DGKH: variants seen among roughly 807,000 people sequenced by gnomAD.
DGKH encodes DAG kinase eta.
DGKH carries 90 observed loss-of-function variants against 159.3 expected under a neutral mutation model. That is an observed-to-expected ratio of 0.57 (90% CI 0.48 to 0.67). The LOEUF is 0.67. Among genes scored for constraint, DGKH ranks in the 30% least tolerant of loss-of-function variants. DGKH has a pLI of 0.00. For missense variants in DGKH, 1,181 were observed against 1,506.1 expected (o/e 0.78, Z 3.57); for synonymous variants, 536 against 553.8 (o/e 0.97, Z 0.45).
chr13:42,055,090 G>A (rs924737352), intron 1 of DGKH, among the ~76,000 whole-genome samples: 1 of 152,016 alleles, frequency 6.6e-6, no homozygotes, highest in African/African-American at 2.4e-5. Flanking sequence ...TTAGCTCGTC[G>A]ACTATATAAA....
intron 24 of DGKH, among the ~76,000 whole-genome samples, chr13:42,211,137 GA>G (rs1957647836): frequency 6.6e-6 from 1 of 152,068 alleles, no homozygotes; most frequent in Non-Finnish European, 1.5e-5. Context: ...TAGACAAAAA[GA>G]AAAGAGATAA....
At chr13:42,082,278 A>G (rs1464851710) in intron 1 of DGKH, among the ~76,000 whole-genome samples, 1 of 152,098 alleles carries the variant, frequency 6.6e-6, no homozygotes, top group African/African-American at 2.4e-5. Flanking sequence ...TTATTAAAGA[A>G]GGGAAAACAT....
chr13:42,219,794 G>A lies in DGKH; in HGVS notation c.3442G>A (p.Val1148Ile), dbSNP rs1214552000. ...VQKQKTSSQP[V>I]QKWGTEEVAA... ...GAAGCAGAAGACAAGTTCACAGCCT[G>A]GTAGGTGGTCCATATGGAAGGGGAA... Residue 1148 changes from valine (V) to isoleucine (I), a missense_variant and splice_region_variant, in exon 28 of 30, where the codon GTT becomes ATT. Physicochemically the swap from Val to Ile is conservative, Grantham distance 29. Transcript: ENST00000337343. The A allele has an allele frequency of 6.2e-7, 1 of 1,612,524 alleles. No homozygotes were observed. The highest frequency in any genetic ancestry group is 1.1e-5 in the South Asian group (1 of 90,938).
At chr13:42,243,132 G>A (rs772304298), downstream of DGKH, among the ~76,000 whole-genome samples, 5 of 152,090 alleles carry the variant, frequency 3.3e-5, no homozygotes, top group Non-Finnish European at 5.9e-5. Context: ...ACAAGGACCC[G>A]TAATACAGAT....
Position 42,240,778 on chromosome 13 carries a change from A to G in DGKH, c.*11590A>G, listed in dbSNP as rs1327430376. ...CTTTCTACCATATCACCAAATACTC[A>G]TAAAGGCTAACACAGAAAGCTTTTC... On this transcript the variant is annotated 3_prime_UTR_variant, in exon 30 of 30. Coordinates refer to ENST00000337343, the MANE Select transcript of DGKH (RefSeq NM_178009.5). 2.0e-5 allele frequency: 3 copies of G among 152,186 alleles called. No homozygotes were observed. Among genetic ancestry groups the G allele is most frequent in the East Asian group, 1.9e-4 (1 of 5,200 alleles). The allele number at this position is 152,186 out of a possible 1,614,324, so 9.4% of individuals were successfully genotyped here. A position where few individuals can be genotyped will look rare whatever the true frequency, so the allele number is the denominator to read the frequency against.
At chr13:42,182,610 CA>C (rs1209333305) in intron 13 of DGKH, among the ~76,000 whole-genome samples, 1 of 151,408 alleles carries the variant, frequency 6.6e-6, no homozygotes, top group East Asian at 1.9e-4. Context: ...GGAATGATGA[CA>C]AAAAAAAGTC....
At chr13:42,213,521 T>A (rs1209279318) in intron 24 of DGKH, among the ~76,000 whole-genome samples, 2 of 152,200 alleles carry the variant, frequency 1.3e-5, no homozygotes. Flanking sequence ...TCCATCTCTG[T>A]TCTTCTGAAA....
chr13:42,163,495 C>G (rs935605621), intron 7 of DGKH, among the ~76,000 whole-genome samples: 10 of 152,034 alleles, frequency 6.6e-5, no homozygotes, highest in Admixed American at 5.9e-4. Context: ...AAAAGTGTTC[C>G]TATTTCTCCA....
At chr13:42,191,506 A>G (rs1378163826) in intron 16 of DGKH, among the ~76,000 whole-genome samples, 7 of 152,272 alleles carry the variant, frequency 4.6e-5, no homozygotes, top group African/African-American at 1.7e-4. Flanking sequence ...AAAAGTTGAA[A>G]TTATAAAAAA....
chr13:42,101,241 T>G (rs1333630948), intron 1 of DGKH, among the ~76,000 whole-genome samples: 1 of 152,252 alleles, frequency 6.6e-6, no homozygotes, highest in African/African-American at 2.4e-5. Flanking sequence ...ACTTACATTC[T>G]GCGTATCCTT....
At chr13:42,164,603 C>T (rs1033098491) in intron 7 of DGKH, among the ~76,000 whole-genome samples, 1 of 152,148 alleles carries the variant, frequency 6.6e-6, no homozygotes, top group African/African-American at 2.4e-5. Flanking sequence ...AGAAGGCTCT[C>T]CAGACAAGTA....
chr13:42,164,695 C>G (rs12429318), intron 7 of DGKH, among the ~76,000 whole-genome samples: 17,607 of 152,140 alleles, frequency 0.12, 1,570 homozygotes, highest in East Asian at 0.42. Context: ...CCATGAAACT[C>G]ATTTCTACTG....
intron 1 of DGKH, among the ~76,000 whole-genome samples, chr13:42,066,978 A>G (rs1278637621): frequency 6.7e-6 from 1 of 149,278 alleles, no homozygotes; most frequent in Non-Finnish European, 1.5e-5. Context: ...AATATAACAT[A>G]TAACATGTGA....
intron 1 of DGKH, among the ~76,000 whole-genome samples, chr13:42,107,688 G>T (rs907846307): frequency 6.6e-6 from 1 of 152,048 alleles, no homozygotes. Flanking sequence ...AGGCCTGCCC[G>T]GGTAAGGCAG....
chr13:42,124,357 T>C (rs1023487282), intron 1 of DGKH, among the ~76,000 whole-genome samples: 1 of 152,326 alleles, frequency 6.6e-6, no homozygotes, highest in African/African-American at 2.4e-5. Flanking sequence ...TTTCCCCTTT[T>C]TAAAAATACC....
intron 11 of DGKH, among the ~76,000 whole-genome samples, chr13:42,171,508 A>G (rs1956453512): frequency 6.6e-6 from 1 of 152,186 alleles, no homozygotes; most frequent in African/African-American, 2.4e-5. Context: ...GTGGGGAGGT[A>G]TAGCATGGAG....
At chr13:42,192,793 AT>A (rs1476719301) in intron 16 of DGKH, among the ~76,000 whole-genome samples, 1 of 152,054 alleles carries the variant, frequency 6.6e-6, no homozygotes, top group African/African-American at 2.4e-5. Context: ...TAAACTGATG[AT>A]TTTAAACCTT....
intron 1 of DGKH, among the ~76,000 whole-genome samples, chr13:42,122,535 A>G (rs990576503): frequency 2.0e-5 from 3 of 152,150 alleles, no homozygotes; most frequent in Non-Finnish European, 4.4e-5. Context: ...TGATCCATTA[A>G]CCATTAATCT....
In DGKH at chr13:42,155,306, A is replaced by G; in HGVS notation, c.400A>G (p.Arg134Gly). Residue 134 changes from arginine to glycine, a missense_variant, in exon 4 of 30, where the codon AGA (arginine) becomes GGA (glycine). Physicochemically the swap from Arg to Gly is moderately radical, Grantham distance 125. This residue lies in a region of DGKH where 369 missense variants were observed against 519.4 expected (regional missense o/e 0.71). Transcript: ENST00000337343. ...NNSFTIITPFRRLMLCAENRK... is the reference protein window; with the variant it reads ...NNSFTIITPFGRLMLCAENRK... ...TCCCTTTCAGATCATCACTCCATTC[A>G]GAAGGCTAATGCTGTGTGCTGAGAA... The G allele has an allele frequency of 1.9e-6, 3 of 1,603,952 alleles. No individual in the cohort carries two copies. The highest frequency in any genetic ancestry group is 2.5e-6 in the Non-Finnish European group (3 of 1,177,514).
Sources: gnomAD v4.1 joint callset for allele counts (sites outside exome capture counted in the v4.1 genomes callset) on GRCh38, gnomAD v4.1.1 for gene constraint, gnomAD v4.1.1 regional missense constraint, MANE v1.5 for transcripts, NCBI Gene and HGNC (gene_info 2026-07-23, HGNC 2026-07-21) for gene names.